The following JAG2 variants were observed in gnomAD, a reference collection of about 807,000 sequenced individuals.
JAG2 encodes the protein jagged canonical Notch ligand 2, also known as protein jagged-2.
JAG2 carries 46 observed loss-of-function variants against 141.7 expected under a neutral mutation model. The observed-to-expected ratio is 0.32, with a 90% CI of 0.26 to 0.42. The LOEUF is 0.42. Among genes scored for constraint, JAG2 ranks in the 10% least tolerant of loss-of-function variants. The pLI, the probability that JAG2 is intolerant of heterozygous loss-of-function variation, is 1.00. For missense variants in JAG2, 1,500 were observed against 1,817.5 expected (o/e 0.83, Z 3.18); for synonymous variants, 862 against 763.5 (o/e 1.13, Z -2.13).
chr14:105,150,373 G>A (rs1888384666), intron 12 of JAG2, among the ~76,000 whole-genome samples: 1 of 152,088 alleles, frequency 6.6e-6, no homozygotes, highest in Admixed American at 6.5e-5. Context: ...CCTAGCCCAG[G>A]CCACCAGGAA....
rs749175815 is a variant in JAG2, at chr14:105,142,893, G to C, written c.3519C>G (p.Ala1173=). ...CCTCGTCCTCCTCATCCTCCCTGAC[G>C]GCCGCGTGGCCGGCCGGCCCGGGCA... The part of the protein sequence containing the change: ...EALPGPAGHA[A]VREDEEDEDL... The change falls in exon 26 of 26, where the codon GCC becomes GCG. Residue 1173 remains alanine, a synonymous_variant. Coordinates refer to ENST00000331782, the MANE Select transcript of JAG2 (RefSeq NM_002226.5). 4 of 1,598,550 alleles carry C rather than the reference G, an allele frequency of 2.5e-6. No homozygotes were observed. Among genetic ancestry groups the C allele is most frequent in the Non-Finnish European group, 3.4e-6 (4 of 1,172,576 alleles).
chr14:105,156,508 GC>G (rs1888587369), intron 3 of JAG2, among the ~76,000 whole-genome samples: 1 of 151,750 alleles, frequency 6.6e-6, no homozygotes, highest in African/African-American at 2.4e-5. Context: ...CTCCCCTCAG[GC>G]CCCCAAGACA....
At chr14:105,156,065 G>A in intron 3 of JAG2, 76 bp from the exon 4 acceptor site, 3 of 1,558,820 alleles carry the variant, frequency 1.9e-6, no homozygotes, top group East Asian at 2.3e-5. Context: ...AACGGGGACG[G>A]GGCAGAAGCC....
chr14:105,145,618 ACT>A, intron 23 of JAG2, 111 bp downstream of exon 23: 2 of 1,349,072 alleles, frequency 1.5e-6, no homozygotes, highest in East Asian at 2.5e-5. Context: ...ACCAAGAGTG[ACT>A]CTGCTCAGCC....
intron 3 of JAG2, among the ~76,000 whole-genome samples, chr14:105,156,624 T>C (rs941625326): frequency 6.6e-6 from 1 of 152,156 alleles, no homozygotes; most frequent in Non-Finnish European, 1.5e-5. Context: ...GCAAAGTCCG[T>C]GATGCCGGTC....
chr14:105,143,430 T>C (rs1888124536), intron 25 of JAG2, 52 bp downstream of exon 25: 3 of 1,531,606 alleles, frequency 2.0e-6, no homozygotes, highest in African/African-American at 1.4e-5. Context: ...CTGTGCCCAA[T>C]GCCTGAGTTG....
At chr14:105,144,131 C>T (rs587769965) in intron 24 of JAG2, among the ~76,000 whole-genome samples, 4 of 152,160 alleles carry the variant, frequency 2.6e-5, no homozygotes, top group Admixed American at 6.5e-5. Flanking sequence ...ACACCTGCTC[C>T]GTGATGGCCA....
Position 105,167,991 on chromosome 14 carries a change from G to GA in JAG2, c.182_183insT (p.Cys62LeufsTer15). On this transcript the variant is annotated frameshift_variant, in exon 2 of 26. Coordinates refer to ENST00000331782, the MANE Select transcript of JAG2 (RefSeq NM_002226.5). LOFTEE classifies it high-confidence loss of function. This position sits in a 1 kb window ranked among gnomAD's most constrained non-coding sequence, Gnocchi z 4.8. ...ACGTGTCGCACTCGTCGTGGCCGCA[G>GA]CCCCCCGCGCGCGTTGTCCGGCCGT... is the stretch of plus-strand genomic sequence containing the variant. 6.2e-7 allele frequency: 1 copy of GA among 1,601,830 alleles called. No individual in the cohort carries two copies. Among genetic ancestry groups the GA allele is most frequent in the South Asian group, 1.1e-5 (1 of 90,644 alleles).
At chr14:105,153,897 T>C (rs898108126) in intron 5 of JAG2, among the ~76,000 whole-genome samples, 2 of 152,026 alleles carry the variant, frequency 1.3e-5, no homozygotes, top group African/African-American at 4.8e-5. Context: ...CAGGCGAGGG[T>C]GAGTGGGGCC....
Position 105,149,286 on chromosome 14 carries a change from C to T in JAG2, c.1637G>A (p.Arg546Gln), listed in dbSNP as rs754097964. Residue 546 changes from arginine (R) to glutamine (Q), a missense_variant, in exon 13 of 26, where the codon CGG becomes CAG. Around this residue, in one of 3 missense-constraint regions of JAG2, gnomAD observed 875 missense variants for 1,202.2 expected, o/e 0.73. Coordinates refer to ENST00000331782, the MANE Select transcript of JAG2 (RefSeq NM_002226.5). ...DVDLCEPSPC[R>Q]NGARCYNLEG... ...CAGGTTATAGCAGCGAGCGCCGTTC[C>T]GGCAGGGGCTTGGCTCACAAAGGTC... is the stretch of plus-strand genomic sequence containing the variant. The T allele has an allele frequency of 1.1e-5, 17 of 1,612,592 alleles. No homozygotes were observed. The South Asian group carries it at 1.1e-4, about 10-fold the overall frequency.
chr14:105,150,779 TG>T lies in JAG2; in HGVS notation c.1429-3del, dbSNP rs1209981439. On this transcript the variant is annotated splice_polypyrimidine_tract_variant and splice_region_variant and intron_variant, in intron 11 of 25. Coordinates refer to ENST00000331782, the MANE Select transcript of JAG2 (RefSeq NM_002226.5). ...ACACTGGTACCCGTTCACCAGGTCC[TG>T]GGCGGGCCAGCCAGGTGAGCGTCCC... 1 of 1,585,298 alleles carries T rather than the reference TG, an allele frequency of 6.3e-7. No homozygotes were observed. The highest frequency in any genetic ancestry group is 1.3e-5 in the African/African-American group (1 of 74,412).
rs1389644365 is a variant in JAG2 at position 105,154,720 on chromosome 14, C to T, written c.788+842G>A. Among the ~76,000 whole-genome samples, 2 of 151,906 alleles carry T rather than the reference C, an allele frequency of 1.3e-5. No individual in the cohort carries two copies. The highest frequency in any genetic ancestry group is 2.1e-4 in the South Asian group (1 of 4,822). ...GCCACCCCCCACAGGCCCCGCGTGG[C>T]GCAGGCCAGGCCTCTCCCACGAGCT... On this transcript the variant is annotated intron_variant, in intron 5 of 25. Transcript: ENST00000331782. The surrounding 1 kb of genome is among the most constrained non-coding windows in gnomAD (Gnocchi z 4.4).
chr14:105,143,366 G>A, intron 25 of JAG2, 116 bp downstream of exon 25: 8 of 1,345,950 alleles, frequency 5.9e-6, no homozygotes, highest in Non-Finnish European at 8.2e-6. Context: ...GGCAGCAGGT[G>A]CCAGGGACTT....
At chr14:105,162,440 G>T (rs1888775293) in intron 2 of JAG2, among the ~76,000 whole-genome samples, 1 of 41,348 alleles carries the variant, frequency 2.4e-5, no homozygotes, top group South Asian at 4.9e-4. Flanking sequence ...AGGCAGACAA[G>T]ACAATAGATG....
At chr14:105,166,108 G>A (rs1321544610) in intron 2 of JAG2, among the ~76,000 whole-genome samples, 1 of 152,246 alleles carries the variant, frequency 6.6e-6, no homozygotes, top group Non-Finnish European at 1.5e-5. Context: ...GGGCATTCGA[G>A]GAACCGGCTG....
chr14:105,143,158 G>T lies in JAG2; in HGVS notation c.3254C>A (p.Pro1085His), dbSNP rs1388133417. Residue 1085 changes from proline (P) to histidine (H), a missense_variant, in exon 26 of 26, where the codon CCT becomes CAT. Transcript: ENST00000331782. ...TGGSSTGLLVPVLCGAFSVLW... is the reference protein window; with the variant it reads ...TGGSSTGLLVHVLCGAFSVLW... ...CACGCTGAAGGCACCACACAGCACA[G>T]GCACCAGCAGACCTGGGGACCGGGG... 1 of 1,598,280 alleles carries T rather than the reference G, an allele frequency of 6.3e-7. No homozygotes were observed.
At chr14:105,152,108 C>T in intron 6 of JAG2, 51 bp from the exon 7 acceptor site, 4 of 1,613,414 alleles carry the variant, frequency 2.5e-6, no homozygotes, top group South Asian at 1.1e-5. Context: ...CCCGCTCCCC[C>T]ACAACCCACA....
Position 105,154,998 on chromosome 14 carries a change from T to G in JAG2, c.788+564A>C, listed in dbSNP as rs1035424393. On this transcript the variant is annotated intron_variant, in intron 5 of 25. Coordinates refer to ENST00000331782, the MANE Select transcript of JAG2 (RefSeq NM_002226.5). The surrounding 1 kb of genome is among the most constrained non-coding windows in gnomAD (Gnocchi z 4.4). ...ACCCCCTCCCCATCCCGCTGGCCCCTCCCCCACCACCCCCACATGCCCCAC... is the reference window on the plus strand; with the variant it reads ...ACCCCCTCCCCATCCCGCTGGCCCCGCCCCCACCACCCCCACATGCCCCAC... Among the ~76,000 whole-genome samples, 1 of 8,830 alleles carries G rather than the reference T, an allele frequency of 1.1e-4. No homozygotes were observed. The highest frequency in any genetic ancestry group is 2.2e-4 in the Non-Finnish European group (1 of 4,472). The allele number at this position is 8,830 out of a possible 152,430, so 5.8% of individuals were successfully genotyped here.
At chr14:105,163,091 C>T (rs1888805652) in intron 2 of JAG2, among the ~76,000 whole-genome samples, 1 of 152,200 alleles carries the variant, frequency 6.6e-6, no homozygotes, top group Non-Finnish European at 1.5e-5. Flanking sequence ...ACCAACGCCC[C>T]GACTTGGTTT....
Sources: gnomAD v4.1 joint callset for allele counts (sites outside exome capture counted in the v4.1 genomes callset) on GRCh38, gnomAD v4.1.1 for gene constraint, gnomAD v4.1.1 regional missense constraint, Gnocchi (gnomAD v3.1) non-coding constraint, MANE v1.5 for transcripts, NCBI Gene and HGNC (gene_info 2026-07-23, HGNC 2026-07-21) for gene names.